The following KIAA0825 variants were observed in gnomAD, a reference collection of about 807,000 sequenced individuals.
KIAA0825 encodes the protein uncharacterized protein KIAA0825.
In KIAA0825, 119 loss-of-function variants were observed where a neutral mutation model predicts 147.6. That is an observed-to-expected ratio of 0.81 (90% CI 0.69 to 0.94). The LOEUF (loss-of-function observed/expected upper bound fraction) is 0.94, where lower values mean the gene tolerates loss of function less well. Ranked by LOEUF, KIAA0825 falls within the 40% of genes least tolerant of loss-of-function variation. KIAA0825 has a pLI of 0.00. For missense variants in KIAA0825, 1,381 were observed against 1,472.7 expected, an observed-to-expected ratio of 0.94 and a Z score of 1.02; for synonymous variants, 470 against 518.1, an observed-to-expected ratio of 0.91 and a Z score of 1.26.
intron 1 of KIAA0825, among the ~76,000 whole-genome samples, chr5:94,591,531 A>G (rs1255309450): frequency 6.6e-6 from 1 of 152,226 alleles, no homozygotes; most frequent in Non-Finnish European, 1.5e-5. Flanking sequence ...TGACTTTAGC[A>G]TACTGATCAT....
At chr5:94,357,562 T>C (rs976238992) in intron 20 of KIAA0825, among the ~76,000 whole-genome samples, 2 of 152,240 alleles carry the variant, frequency 1.3e-5, no homozygotes, top group African/African-American at 2.4e-5. Context: ...AAAATGTTTA[T>C]GGATGGGTCT....
chr5:94,370,742 T>TA (rs944840387), intron 20 of KIAA0825, among the ~76,000 whole-genome samples: 23 of 151,818 alleles, frequency 1.5e-4, no homozygotes, highest in Non-Finnish European at 2.4e-4. Context: ...CCTTCTTTAC[T>TA]AAAAAAATAC....
chr5:94,258,110 C>T (rs1776329051), intron 20 of KIAA0825, among the ~76,000 whole-genome samples: 1 of 151,936 alleles, frequency 6.6e-6, no homozygotes, highest in South Asian at 2.1e-4. Flanking sequence ...CATTGATAAG[C>T]ACAGGGTCAG....
In KIAA0825 at chr5:94,303,229, T is replaced by C. The variant is rs560108271; in HGVS notation, c.3710+81139A>G. 1.1e-4 allele frequency among the ~76,000 whole-genome samples: 17 copies of C among 152,210 alleles called. No homozygotes were observed. The East Asian group carries it at 2.9e-3, about 26-fold the overall frequency. On this transcript the variant is annotated intron_variant, in intron 20 of 20. Transcript: ENST00000682413. ...TTCTAAATCTTTTCAAGTTATAATA[T>C]GTCTTAAAACTTTTTCAACAATATC...
chr5:94,314,124 T>C (rs1251826997), intron 20 of KIAA0825, among the ~76,000 whole-genome samples: 1 of 151,618 alleles, frequency 6.6e-6, no homozygotes, highest in African/African-American at 2.4e-5. Flanking sequence ...AAAAGAAGGA[T>C]CTATTAAACA....
At chr5:94,182,074 C>T (rs561287339) in intron 20 of KIAA0825, among the ~76,000 whole-genome samples, 27 of 151,854 alleles carry the variant, frequency 1.8e-4, no homozygotes, top group Admixed American at 6.6e-4. Flanking sequence ...GGTTCCTGCT[C>T]GCATATCCAG....
intron 20 of KIAA0825, among the ~76,000 whole-genome samples, chr5:94,160,530 A>T (rs1452242761): frequency 2.0e-5 from 3 of 148,702 alleles, no homozygotes; most frequent in African/African-American, 7.4e-5. Context: ...CAGTATATAT[A>T]ATATACATAC....
intron 20 of KIAA0825, among the ~76,000 whole-genome samples, chr5:94,316,715 G>C (rs1384278162): frequency 6.6e-6 from 1 of 151,778 alleles, no homozygotes; most frequent in African/African-American, 2.4e-5. Context: ...TTGTTCATCT[G>C]AGTTGGGGCA....
chr5:94,203,439 T>A (rs1771878265), intron 20 of KIAA0825, among the ~76,000 whole-genome samples: 1 of 152,234 alleles, frequency 6.6e-6, no homozygotes. Context: ...AGCAATGTGT[T>A]ATTAACCATT....
At chr5:94,424,677 A>T (rs1261804467) in intron 14 of KIAA0825, among the ~76,000 whole-genome samples, 1 of 152,122 alleles carries the variant, frequency 6.6e-6, no homozygotes, top group African/African-American at 2.4e-5. Flanking sequence ...ACCAGAGGAG[A>T]ACAAAATGAA....
chr5:94,483,583 T>G (rs537177614), intron 6 of KIAA0825, among the ~76,000 whole-genome samples: 17 of 151,780 alleles, frequency 1.1e-4, no homozygotes, highest in South Asian at 6.2e-4. Context: ...TTGGTTTTTT[T>G]GGGGGGGTTT....
At chr5:94,501,613 G>T (rs933826209) in intron 5 of KIAA0825, among the ~76,000 whole-genome samples, 1 of 152,146 alleles carries the variant, frequency 6.6e-6, no homozygotes, top group East Asian at 1.9e-4. Flanking sequence ...AGAGGGGTCA[G>T]GTGAGCACAG....
At chr5:94,376,664 A>C (rs1374240405) in intron 20 of KIAA0825, among the ~76,000 whole-genome samples, 4 of 152,182 alleles carry the variant, frequency 2.6e-5, no homozygotes, top group African/African-American at 9.7e-5. Context: ...TCAGGATAAG[A>C]GAAAAGCTTT....
chr5:94,289,272 A>T (rs906025897), intron 20 of KIAA0825, among the ~76,000 whole-genome samples: 2 of 152,202 alleles, frequency 1.3e-5, no homozygotes, highest in African/African-American at 4.8e-5. Flanking sequence ...GTGGTGGCTC[A>T]TACCTCTAAT....
chr5:94,253,113 T>A (rs1462851724), intron 20 of KIAA0825, among the ~76,000 whole-genome samples: 1 of 152,160 alleles, frequency 6.6e-6, no homozygotes, highest in East Asian at 1.9e-4. Flanking sequence ...CAAAATGAAA[T>A]TAACAAAGAA....
intron 20 of KIAA0825, among the ~76,000 whole-genome samples, chr5:94,183,062 C>A (rs1393104874): frequency 6.6e-6 from 1 of 152,022 alleles, no homozygotes; most frequent in Non-Finnish European, 1.5e-5. Flanking sequence ...CTTTCTGATT[C>A]AAGGTCAAAC....
intron 5 of KIAA0825, among the ~76,000 whole-genome samples, chr5:94,506,345 C>T (rs912406003): frequency 1.2e-4 from 19 of 152,292 alleles, no homozygotes; most frequent in Non-Finnish European, 2.6e-4. Context: ...ACTTTGAACA[C>T]TTTGACCTAT....
At chr5:94,592,255 A>G (rs1784483573) in intron 1 of KIAA0825, among the ~76,000 whole-genome samples, 1 of 152,232 alleles carries the variant, frequency 6.6e-6, no homozygotes, top group Non-Finnish European at 1.5e-5. Flanking sequence ...CTTCCTAGAT[A>G]CAGCAAGGGT....
Position 94,520,386 on chromosome 5 carries a change from T to C in KIAA0825, c.832A>G (p.Thr278Ala). 6.2e-7 allele frequency: 1 copy of C among 1,613,450 alleles called. No homozygotes were observed. Among genetic ancestry groups the C allele is most frequent in the Non-Finnish European group, 8.5e-7 (1 of 1,179,468 alleles). ...PSSMVKFIKETYLDTVTEEMA... is the reference protein window; with the variant it reads ...PSSMVKFIKEAYLDTVTEEMA... Reference sequence around the variant, plus strand: ...TCTTCTGTAACAGTATCCAGGTAAGTTTCTTTAATGAATTTCACCATTGAA... The same window carrying C: ...TCTTCTGTAACAGTATCCAGGTAAGCTTCTTTAATGAATTTCACCATTGAA... The change falls in exon 5 of 21, where the codon ACT (threonine) becomes GCT (alanine). Residue 278 changes from threonine to alanine, a missense_variant. By Grantham distance (58) the Thr-to-Ala change is moderately conservative. Transcript: ENST00000682413.
Sources: gnomAD v4.1 joint callset for allele counts (sites outside exome capture counted in the v4.1 genomes callset) on GRCh38, gnomAD v4.1.1 for gene constraint, MANE v1.5 for transcripts, NCBI Gene and HGNC (gene_info 2026-07-23, HGNC 2026-07-21) for gene names.